Variants in ASIC2 observed in about 807,000 individuals in gnomAD.
ASIC2 encodes acid-sensing ion channel 2.
Under a neutral mutation model 57.3 loss-of-function variants are expected in ASIC2, and 25 were observed. That is an observed-to-expected ratio of 0.44 (90% CI 0.32 to 0.61). The LOEUF (loss-of-function observed/expected upper bound fraction) is 0.61. Ranked by LOEUF, ASIC2 falls within the 20% of genes least tolerant of loss-of-function variation. The pLI, the probability that ASIC2 is intolerant of heterozygous loss-of-function variation, is 0.06. For missense variants in ASIC2, 641 were observed against 738.1 expected, an observed-to-expected ratio of 0.87 and a Z score of 1.52; for synonymous variants, 319 against 307.5, an observed-to-expected ratio of 1.04 and a Z score of -0.39.
intron 2 of ASIC2, among the ~76,000 whole-genome samples, chr17:33,097,354 C>T (rs1336788792): frequency 6.6e-6 from 1 of 152,230 alleles, no homozygotes; most frequent in Non-Finnish European, 1.5e-5. Flanking sequence ...CATTTCATTA[C>T]ATTTCATTTT....
chr17:33,421,989 A>G (rs780938538), intron 1 of ASIC2, among the ~76,000 whole-genome samples: 1 of 152,206 alleles, frequency 6.6e-6, no homozygotes, highest in Non-Finnish European at 1.5e-5. Context: ...CTCGACTTGG[A>G]ATGTTTTTCC....
chr17:33,684,104 C>T (rs1908100972), intron 1 of ASIC2, among the ~76,000 whole-genome samples: 1 of 152,212 alleles, frequency 6.6e-6, no homozygotes, highest in Non-Finnish European at 1.5e-5. Flanking sequence ...TACACTTCTG[C>T]TAATAATTCT....
chr17:33,349,106 C>T (rs971376911), intron 1 of ASIC2, among the ~76,000 whole-genome samples: 14 of 152,196 alleles, frequency 9.2e-5, no homozygotes, highest in African/African-American at 3.4e-4. Flanking sequence ...ACTGGAGAGT[C>T]TGTGGTCTGC....
Position 33,026,575 on chromosome 17 carries a change from G to T in ASIC2, c.1139-593C>A, listed in dbSNP as rs187879474. ...AAGGGTTGTTTTGTGTTTCTTCATT[G>T]CTTTGTTCATAATTCCACATTAGTA... is the stretch of plus-strand genomic sequence containing the variant. On this transcript the variant is annotated intron_variant, in intron 4 of 9. Coordinates refer to ENST00000225823, the MANE Select transcript of ASIC2 (RefSeq NM_183377.2). Among the ~76,000 whole-genome samples, 21 of 152,332 alleles carry T rather than the reference G, an allele frequency of 1.4e-4. No individual in the cohort carries two copies. The East Asian group carries it at 4.1e-3, about 29-fold the overall frequency.
intron 1 of ASIC2, among the ~76,000 whole-genome samples, chr17:33,360,912 C>T (rs1908577762): frequency 6.6e-6 from 1 of 152,150 alleles, no homozygotes; most frequent in African/African-American, 2.4e-5. Context: ...AGGGACCTCC[C>T]ACTGCAGAAC....
intron 1 of ASIC2, among the ~76,000 whole-genome samples, chr17:34,093,357 A>T (rs1598020395): frequency 6.6e-6 from 1 of 152,190 alleles, no homozygotes; most frequent in Non-Finnish European, 1.5e-5. Context: ...TGCCAACTTG[A>T]CTTTGCCTTT....
Position 34,019,144 on chromosome 17 carries a change from A to G in ASIC2, c.555+136834T>C, listed in dbSNP as rs1043453002. On this transcript the variant is annotated intron_variant, in intron 1 of 9. Transcript: ENST00000359872. ...AGGATGGTCTTGATCTCCTGACCTCATGATCCGCCCTCCTTGGCCTCTCAA... is the reference window on the plus strand; with the variant it reads ...AGGATGGTCTTGATCTCCTGACCTCGTGATCCGCCCTCCTTGGCCTCTCAA... Among the ~76,000 whole-genome samples, 5 of 152,048 alleles carry G rather than the reference A, an allele frequency of 3.3e-5. No homozygotes were observed. In the East Asian group the frequency reaches 5.8e-4, roughly 18 times the overall value.
intron 3 of ASIC2, among the ~76,000 whole-genome samples, chr17:33,053,860 A>G (rs2091987506): frequency 6.6e-6 from 1 of 152,194 alleles, no homozygotes; most frequent in African/African-American, 2.4e-5. Flanking sequence ...ATATTAATTC[A>G]GTTCAACATG....
chr17:33,069,497 T>C (rs1417978917), intron 3 of ASIC2, among the ~76,000 whole-genome samples: 1 of 152,206 alleles, frequency 6.6e-6, no homozygotes. Context: ...CAGTTTTTGC[T>C]TTCTGTATTT....
At chr17:34,147,822 G>T (rs1282980701) in intron 1 of ASIC2, among the ~76,000 whole-genome samples, 3 of 152,160 alleles carry the variant, frequency 2.0e-5, no homozygotes, top group Non-Finnish European at 2.9e-5. Flanking sequence ...GACTCAGGTG[G>T]TATCGTTTTA....
In ASIC2 at chr17:33,589,983, G is replaced by A. The variant is rs538883791; in HGVS notation, c.556-477916C>T. Among the ~76,000 whole-genome samples, 78 of 152,282 alleles carry A rather than the reference G, an allele frequency of 5.1e-4. 1 individual carries two copies. The South Asian group carries it at 0.016, about 31-fold the overall frequency. ...ACACAGTAGATTAATGCCAAGGGAG[G>A]ATGCATTTCTGTGGGGTGGTCCACC... On this transcript the variant is annotated intron_variant, in intron 1 of 9. Coordinates refer to the ASIC2 transcript ENST00000359872.
chr17:33,674,357 C>A (rs1907743836), intron 1 of ASIC2, among the ~76,000 whole-genome samples: 2 of 152,226 alleles, frequency 1.3e-5, no homozygotes, highest in Non-Finnish European at 2.9e-5. Context: ...CTTTGAAACT[C>A]ACCCTCATTC....
At chr17:33,372,447 G>A (rs1287199367) in intron 1 of ASIC2, among the ~76,000 whole-genome samples, 2 of 152,148 alleles carry the variant, frequency 1.3e-5, no homozygotes, top group Admixed American at 6.5e-5. Flanking sequence ...CAAAGCAGCA[G>A]GTAAGAAAGG....
intron 1 of ASIC2, among the ~76,000 whole-genome samples, chr17:34,045,090 C>T (rs752812155): frequency 1.3e-5 from 2 of 152,212 alleles, no homozygotes; most frequent in Admixed American, 6.5e-5. Context: ...GGAATGTGGA[C>T]GTGGCACCAT....
intron 1 of ASIC2, among the ~76,000 whole-genome samples, chr17:33,651,474 TGCATTC>T (rs1906917741): frequency 6.6e-6 from 1 of 152,212 alleles, no homozygotes. Flanking sequence ...CGTCTGGATG[TGCATTC>T]GCAAGCTGCC....
chr17:34,123,107 G>C (rs558281545), intron 1 of ASIC2, among the ~76,000 whole-genome samples: 1 of 152,230 alleles, frequency 6.6e-6, no homozygotes, highest in African/African-American at 2.4e-5. Flanking sequence ...GACAAGTCTT[G>C]CCCAGCCTAT....
chr17:33,708,438 C>T (rs1461831267), intron 1 of ASIC2, among the ~76,000 whole-genome samples: 1 of 152,096 alleles, frequency 6.6e-6, no homozygotes, highest in Non-Finnish European at 1.5e-5. Context: ...TTAACAAAAT[C>T]TTTTTACATT....
chr17:33,839,881 G>T (rs1280161061), intron 1 of ASIC2, among the ~76,000 whole-genome samples: 2 of 152,166 alleles, frequency 1.3e-5, no homozygotes, highest in Non-Finnish European at 2.9e-5. Context: ...TTGTCTCAGG[G>T]ATGCCACAGC....
chr17:33,590,506 G>C (rs1904791233), intron 1 of ASIC2, among the ~76,000 whole-genome samples: 1 of 151,950 alleles, frequency 6.6e-6, no homozygotes, highest in African/African-American at 2.4e-5. Flanking sequence ...AGCTCAGGTA[G>C]AACACCTTCA....
Sources: gnomAD v4.1 joint callset for allele counts (sites outside exome capture counted in the v4.1 genomes callset) on GRCh38, gnomAD v4.1.1 for gene constraint, MANE v1.5 for transcripts, NCBI Gene and HGNC (gene_info 2026-07-23, HGNC 2026-07-21) for gene names.